The following ADAP1 variants were observed in gnomAD, a reference collection of about 807,000 sequenced individuals.
ADAP1 encodes the protein ArfGAP with dual PH domains 1.
Under a neutral mutation model 54.9 loss-of-function variants are expected in ADAP1, and 31 were observed. The ratio of observed to expected loss-of-function variants is 0.56; its 90% confidence interval spans 0.42 to 0.76. The LOEUF (loss-of-function observed/expected upper bound fraction) is 0.76. Ranked by LOEUF, ADAP1 falls within the 30% of genes least tolerant of loss-of-function variation. ADAP1 has a pLI of 0.00. For missense variants in ADAP1, 535 were observed against 512.4 expected (o/e 1.04, Z -0.42); for synonymous variants, 313 against 202.6 (o/e 1.55, Z -4.63).
At chr7:942,395 G>C (rs1354791830) in intron 1 of ADAP1, among the ~76,000 whole-genome samples, 2 of 115,012 alleles carry the variant, frequency 1.7e-5, no homozygotes, top group South Asian at 3.7e-4. Context: ...GAGAGGAGGA[G>C]GAAGGGAGAG....
intron 2 of ADAP1, among the ~76,000 whole-genome samples, chr7:929,412 G>A (rs564033130): frequency 6.6e-6 from 1 of 151,970 alleles, no homozygotes; most frequent in African/African-American, 2.4e-5. Context: ...CGCACGTGGT[G>A]GCTCACACCT....
At chr7:917,723 C>T (rs958577096) in intron 4 of ADAP1, among the ~76,000 whole-genome samples, 1 of 152,182 alleles carries the variant, frequency 6.6e-6, no homozygotes, top group African/African-American at 2.4e-5. Flanking sequence ...CCGCCTAGGC[C>T]TCCCAAGGTG....
Position 938,413 on chromosome 7 carries a change from C to T in ADAP1, c.83-2908G>A, listed in dbSNP as rs116899170. Among the ~76,000 whole-genome samples, 3,211 of 152,256 alleles carry T rather than the reference C, an allele frequency of 0.021. 42 individuals are homozygous for T. Among genetic ancestry groups the T allele is most frequent in the Non-Finnish European group, 0.025 (1,723 of 68,018 alleles). ...CCCAGCTTGGGCTTGAACTCCTGGG[C>T]TCAAGCGATCCTCCTGTCTTGGCCT... On this transcript the variant is annotated intron_variant, in intron 1 of 10. Transcript: ENST00000265846. This position sits in a 1 kb window ranked among gnomAD's most constrained non-coding sequence, Gnocchi z 4.4.
Position 938,827 on chromosome 7 carries a change from G to A in ADAP1, c.83-3322C>T, listed in dbSNP as rs779931224. Among the ~76,000 whole-genome samples the A allele has an allele frequency of 7.9e-5, 12 of 152,214 alleles. No individual in the cohort carries two copies. Among genetic ancestry groups the A allele is most frequent in the Non-Finnish European group, 1.8e-4 (12 of 68,030 alleles). On this transcript the variant is annotated intron_variant, in intron 1 of 10. Transcript: ENST00000265846. This position sits in a 1 kb window ranked among gnomAD's most constrained non-coding sequence, Gnocchi z 4.4. ...GTTCTGCTCCGACAGTGTGGACCAC[G>A]GACCCAGGCTTCCTGTCTCATGGCC... is the stretch of plus-strand genomic sequence containing the variant.
At position 906,491 on chromosome 7, in the gene ADAP1, GGAAAGGAGAAAGGGA is replaced by G. The variant is rs1562914400; in HGVS notation, c.389-1334_389-1320del. Among the ~76,000 whole-genome samples the G allele has an allele frequency of 1.5e-3, 19 of 12,702 alleles. 4 individuals are homozygous for G. The highest frequency in any genetic ancestry group is 3.7e-3 in the East Asian group (1 of 268). 8.3% of individuals were successfully genotyped at this position (12,702 alleles called of 152,430 possible). A position where few individuals can be genotyped will look rare whatever the true frequency, so the allele number is the denominator to read the frequency against. ...AAAGGAGAAAGGAGAAAGGAGAAAGGGAAAGGAGAAAGGGAGAAAGGAGAAAGGAGAAAGGGAAAG... is the reference window on the plus strand; with the variant it reads ...AAAGGAGAAAGGAGAAAGGAGAAAGGGAAAGGAGAAAGGAGAAAGGGAAAG... On this transcript the variant is annotated intron_variant, in intron 4 of 10. Coordinates refer to ENST00000265846, the MANE Select transcript of ADAP1 (RefSeq NM_006869.4).
chr7:921,410 C>T (rs1846186959), intron 3 of ADAP1, among the ~76,000 whole-genome samples: 1 of 152,258 alleles, frequency 6.6e-6, no homozygotes, highest in Admixed American at 6.5e-5. Flanking sequence ...CAGCCTCCAA[C>T]ACCTGCACTC....
intron 1 of ADAP1, among the ~76,000 whole-genome samples, chr7:949,380 G>A (rs953678153): frequency 4.6e-5 from 7 of 152,268 alleles, no homozygotes; most frequent in African/African-American, 1.2e-4. Context: ...GCCACCTGAC[G>A]GGTGACGGGA....
At position 926,689 on chromosome 7, in the gene ADAP1, G is replaced by T; in HGVS notation, c.214-45C>A. 2 of 1,483,336 alleles carry T rather than the reference G, an allele frequency of 1.3e-6. No individual in the cohort carries two copies. The highest frequency in any genetic ancestry group is 1.8e-6 in the Non-Finnish European group (2 of 1,104,622). The allele number at this position is 1,483,336 out of a possible 1,614,324, so 91.9% of individuals were successfully genotyped here. A position where few individuals can be genotyped will look rare whatever the true frequency, so the allele number is the denominator to read the frequency against. ...GGGTCAGAGGCCTGGGGTCCCAGGG[G>T]CAGCCTAGGAGGTGCCAGCTGCCCT... On this transcript the variant is annotated intron_variant, in intron 2 of 10. Coordinates refer to ENST00000265846, the MANE Select transcript of ADAP1 (RefSeq NM_006869.4). The surrounding 1 kb of genome is among the most constrained non-coding windows in gnomAD (Gnocchi z 4.6).
At chr7:908,098 C>A (rs539280083) in intron 4 of ADAP1, among the ~76,000 whole-genome samples, 6 of 152,278 alleles carry the variant, frequency 3.9e-5, no homozygotes, top group African/African-American at 1.4e-4. Context: ...GGCCTGGGAG[C>A]CCCGGTCATC....
Position 920,131 on chromosome 7 carries a change from G to A in ADAP1, c.306-81C>T, listed in dbSNP as rs1846131154. ...ACGCCGCTCTCTGGCCCGGACCCTG[G>A]ACATCTCAAGAGGCTCATAGGGACC... On this transcript the variant is annotated intron_variant, in intron 3 of 10. Coordinates refer to ENST00000265846, the MANE Select transcript of ADAP1 (RefSeq NM_006869.4). The surrounding 1 kb of genome is among the most constrained non-coding windows in gnomAD (Gnocchi z 4.5). The A allele has an allele frequency of 7.6e-7, 1 of 1,320,406 alleles. No homozygotes were observed. Among genetic ancestry groups the A allele is most frequent in the East Asian group, 2.4e-5 (1 of 41,442 alleles). The allele number at this position is 1,320,406 out of a possible 1,614,324, so 81.8% of individuals were successfully genotyped here.
chr7:948,175 G>A (rs1451613122), intron 1 of ADAP1, among the ~76,000 whole-genome samples: 1 of 151,106 alleles, frequency 6.6e-6, no homozygotes, highest in Non-Finnish European at 1.5e-5. Context: ...TGAATCTGCA[G>A]GACCTGACCC....
intron 4 of ADAP1, among the ~76,000 whole-genome samples, chr7:908,237 G>T (rs556081057): frequency 1.3e-5 from 2 of 152,272 alleles, no homozygotes; most frequent in South Asian, 2.1e-4. Context: ...CCGCCCATCA[G>T]CCCTGACCAC....
rs181180076 is a variant in ADAP1 at position 905,210 on chromosome 7, T to C, written c.389-38A>G. 13,394 of 1,463,258 alleles carry C rather than the reference T, an allele frequency of 9.2e-3. 314 individuals carry two copies. Among genetic ancestry groups the C allele is most frequent in the South Asian group, 0.047 (4,103 of 87,918 alleles). The allele number at this position is 1,463,258 out of a possible 1,614,324, so 90.6% of individuals were successfully genotyped here. On this transcript the variant is annotated intron_variant, in intron 4 of 10. Transcript: ENST00000265846. Reference sequence around the variant, plus strand: ...GGGGACACGAGTCGGTGACAGTGGATGGGGGGGAGGAAACAAAAGGAGTGA... The same window carrying C: ...GGGGACACGAGTCGGTGACAGTGGACGGGGGGGAGGAAACAAAAGGAGTGA...
At chr7:909,292 GGTCCTCCC>G (rs1251457895) in intron 4 of ADAP1, among the ~76,000 whole-genome samples, 729 of 39,860 alleles carry the variant, frequency 0.018, 15 homozygotes, top group African/African-American at 0.048. Flanking sequence ...CGGGAACCCC[GGTCCTCCC>G]GACAGCAGGC....
chr7:910,408 C>A (rs1447920494), intron 4 of ADAP1, among the ~76,000 whole-genome samples: 1 of 152,142 alleles, frequency 6.6e-6, no homozygotes, highest in Non-Finnish European at 1.5e-5. Flanking sequence ...CGCCACCACA[C>A]CCGGCTAAGT....
intron 4 of ADAP1, among the ~76,000 whole-genome samples, chr7:907,503 G>C (rs190222910): frequency 6.6e-6 from 1 of 152,130 alleles, no homozygotes; most frequent in Admixed American, 6.5e-5. Flanking sequence ...GAACAAACAC[G>C]TGTGGCTTCA....
At chr7:912,369 G>C (rs1056562171) in intron 4 of ADAP1, among the ~76,000 whole-genome samples, 1 of 152,082 alleles carries the variant, frequency 6.6e-6, no homozygotes, top group African/African-American at 2.4e-5. Context: ...GCTGTCACCA[G>C]GGTCACCCCC....
chr7:900,621 G>GGGAAAAGGCA lies in ADAP1; in HGVS notation c.649-6_649-5insTGCCTTTTCC, dbSNP rs1562905839. 1.3e-6 allele frequency: 2 copies of GGGAAAAGGCA among 1,587,252 alleles called. No individual in the cohort carries two copies. The highest frequency in any genetic ancestry group is 1.5e-5 in the African/African-American group (1 of 65,626). On this transcript the variant is annotated splice_polypyrimidine_tract_variant and splice_region_variant and intron_variant, in intron 6 of 10. Coordinates refer to ENST00000265846, the MANE Select transcript of ADAP1 (RefSeq NM_006869.4). ...ATTGAACCAGTCCACAATCTCCTAGGGGCAAAGGTGGGCACAGGCTTGGGC... is the reference window on the plus strand; with the variant it reads ...ATTGAACCAGTCCACAATCTCCTAGGGGAAAAGGCAGGCAAAGGTGGGCACAGGCTTGGGC...
chr7:913,443 C>T (rs528411651), intron 4 of ADAP1, among the ~76,000 whole-genome samples: 179 of 152,130 alleles, frequency 1.2e-3, no homozygotes, highest in African/African-American at 4.2e-3. Context: ...CCTCGTGATC[C>T]GCCTGCCTCA....
Sources: gnomAD v4.1 joint callset for allele counts (sites outside exome capture counted in the v4.1 genomes callset) on GRCh38, gnomAD v4.1.1 for gene constraint, Gnocchi (gnomAD v3.1) non-coding constraint, MANE v1.5 for transcripts, NCBI Gene and HGNC (gene_info 2026-07-23, HGNC 2026-07-21) for gene names.